The following SGCZ variants were observed in gnomAD, a reference collection of about 807,000 sequenced individuals.
SGCZ encodes sarcoglycan zeta.
SGCZ carries 40 observed loss-of-function variants against 41.3 expected under a neutral mutation model. The ratio of observed to expected loss-of-function variants is 0.97; its 90% CI spans 0.75 to 1.26. The LOEUF is 1.26. SGCZ is among the 50% of genes most tolerant of loss of function. The pLI, the probability that SGCZ is intolerant of heterozygous loss-of-function variation, is 0.00. For missense variants in SGCZ, 552 were observed against 369.8 expected (o/e 1.49, Z -4.04); for synonymous variants, 206 against 137.5 (o/e 1.50, Z -3.49).
intron 1 of SGCZ, among the ~76,000 whole-genome samples, chr8:15,175,296 G>A (rs565722657): frequency 1.5e-4 from 23 of 151,846 alleles, no homozygotes; most frequent in Non-Finnish European, 2.5e-4. Context: ...GCCCATCAAT[G>A]ACAGACTGGA....
At chr8:14,132,714 A>G (rs1803078977) in intron 5 of SGCZ, among the ~76,000 whole-genome samples, 1 of 152,036 alleles carries the variant, frequency 6.6e-6, no homozygotes, top group Non-Finnish European at 1.5e-5. Flanking sequence ...TCCTTTTAGT[A>G]GCCTTTTCAT....
chr8:14,697,010 C>T (rs2117586362), intron 1 of SGCZ, among the ~76,000 whole-genome samples: 1 of 152,054 alleles, frequency 6.6e-6, no homozygotes, highest in African/African-American at 2.4e-5. Flanking sequence ...CACAGTCTTA[C>T]ATTAAATATG....
Position 14,237,645 on chromosome 8 carries a change from A to G in SGCZ, c.371T>C (p.Val124Ala), listed in dbSNP as rs1414999501. Residue 124 changes from valine (V) to alanine (A), a missense_variant, in exon 4 of 8, where the codon GTC becomes GCC. Coordinates refer to ENST00000382080, the MANE Select transcript of SGCZ (RefSeq NM_139167.4). ...SPLVLQSDRN[V>A]TVNARNHMGQ... ...CATGTGATTTCTTGCATTCACTGTG[A>G]CATTCCTGTCAGACTGTAAGACCAG... 1.1e-5 allele frequency: 17 copies of G among 1,613,962 alleles called. No homozygotes were observed. The highest frequency in any genetic ancestry group is 1.4e-5 in the Non-Finnish European group (16 of 1,179,846).
chr8:14,461,631 G>GT (rs1368196586), intron 2 of SGCZ, among the ~76,000 whole-genome samples: 1 of 152,088 alleles, frequency 6.6e-6, no homozygotes, highest in African/African-American at 2.4e-5. Context: ...TCCCTGAGGA[G>GT]TTTTTCAGTG....
intron 1 of SGCZ, among the ~76,000 whole-genome samples, chr8:14,785,458 A>T (rs7826254): frequency 0.12 from 18,751 of 152,118 alleles, 1,224 homozygotes; most frequent in Non-Finnish European, 0.15. Context: ...TTTAAAATGC[A>T]TGGTATAACA....
chr8:14,982,133 G>A (rs1225007535), intron 1 of SGCZ, among the ~76,000 whole-genome samples: 1 of 145,816 alleles, frequency 6.9e-6, no homozygotes, highest in Non-Finnish European at 1.5e-5. Context: ...ACTCCAGCCT[G>A]GACAACAGAG....
rs113466675 is a variant in SGCZ at position 14,328,694 on chromosome 8, A to C, written c.235-4490T>G. Among the ~76,000 whole-genome samples, 13 of 152,282 alleles carry C rather than the reference A, an allele frequency of 8.5e-5. 2 individuals are homozygous for C. Among genetic ancestry groups the C allele is most frequent in the African/African-American group, 3.1e-4 (13 of 41,564 alleles). ...CAAATTTCATATCATTATAGTTATG[A>C]TACTCTTGTTCATCATTGCTATGGT... On this transcript the variant is annotated intron_variant, in intron 2 of 7. Transcript: ENST00000382080.
intron 1 of SGCZ, among the ~76,000 whole-genome samples, chr8:15,064,083 G>A (rs553833804): frequency 6.6e-6 from 1 of 152,092 alleles, no homozygotes; most frequent in East Asian, 1.9e-4. Context: ...CTAGTGTTCC[G>A]CAAATGTTTC....
chr8:14,896,437 T>TTTATTTA (rs1805201384), intron 1 of SGCZ, among the ~76,000 whole-genome samples: 1 of 151,306 alleles, frequency 6.6e-6, no homozygotes, highest in Non-Finnish European at 1.5e-5. Context: ...GATGGAAGAC[T>TTTATTTA]TTTATTTATT....
chr8:15,002,163 G>A (rs1262191988), intron 1 of SGCZ, among the ~76,000 whole-genome samples: 1 of 149,846 alleles, frequency 6.7e-6, no homozygotes, highest in Non-Finnish European at 1.5e-5. Flanking sequence ...AAATATTATT[G>A]ACAATGCTTC....
intron 2 of SGCZ, among the ~76,000 whole-genome samples, chr8:14,339,908 A>G (rs538376852): frequency 6.6e-6 from 1 of 152,290 alleles, no homozygotes; most frequent in Non-Finnish European, 1.5e-5. Flanking sequence ...ACAGATGCTA[A>G]TAAGAGAAAT....
At chr8:14,460,499 T>C (rs1402951824) in intron 2 of SGCZ, among the ~76,000 whole-genome samples, 1 of 152,132 alleles carries the variant, frequency 6.6e-6, no homozygotes, top group African/African-American at 2.4e-5. Flanking sequence ...GGACGATTTG[T>C]GGTGCCCCAA....
At chr8:14,761,893 T>C (rs1210973033) in intron 1 of SGCZ, among the ~76,000 whole-genome samples, 1 of 152,120 alleles carries the variant, frequency 6.6e-6, no homozygotes, top group Non-Finnish European at 1.5e-5. Flanking sequence ...AGAATTTCCA[T>C]CAGTAGATTG....
intron 2 of SGCZ, among the ~76,000 whole-genome samples, chr8:14,468,698 T>A (rs997541378): frequency 6.6e-6 from 1 of 152,106 alleles, no homozygotes; most frequent in Admixed American, 6.6e-5. Flanking sequence ...TTTATTCAAG[T>A]TCATGCAAAT....
At chr8:14,499,511 T>A (rs535477851) in intron 2 of SGCZ, among the ~76,000 whole-genome samples, 34 of 152,074 alleles carry the variant, frequency 2.2e-4, no homozygotes, top group Non-Finnish European at 4.3e-4. Context: ...AGCATTTCTG[T>A]TTGTCATTGG....
At chr8:14,311,703 A>G (rs1342394689) in intron 3 of SGCZ, among the ~76,000 whole-genome samples, 1 of 152,210 alleles carries the variant, frequency 6.6e-6, no homozygotes, top group East Asian at 1.9e-4. Context: ...GTCTAAAGTG[A>G]TGGAGAAGTA....
At chr8:14,395,544 G>A (rs930796146) in intron 2 of SGCZ, among the ~76,000 whole-genome samples, 7 of 152,096 alleles carry the variant, frequency 4.6e-5, no homozygotes, top group African/African-American at 7.2e-5. Flanking sequence ...GTGAAGGTAC[G>A]GCTACTCTAA....
intron 2 of SGCZ, among the ~76,000 whole-genome samples, chr8:14,325,745 CACATATATATATATATAT>C (rs1460824671): frequency 0.048 from 1,210 of 25,314 alleles, 9 homozygotes; most frequent in Non-Finnish European, 0.063. Context: ...CACACACACA[CACATATATATATATATAT>C]ATATATATAT....
intron 1 of SGCZ, among the ~76,000 whole-genome samples, chr8:15,226,646 G>A (rs1273898231): frequency 6.6e-6 from 1 of 152,120 alleles, no homozygotes; most frequent in Non-Finnish European, 1.5e-5. Flanking sequence ...AATGACTTGT[G>A]AAACTTTAAG....
Sources: gnomAD v4.1 joint callset for allele counts (sites outside exome capture counted in the v4.1 genomes callset) on GRCh38, gnomAD v4.1.1 for gene constraint, MANE v1.5 for transcripts, NCBI Gene and HGNC (gene_info 2026-07-23, HGNC 2026-07-21) for gene names.